RXFP1: variants seen among roughly 807,000 people sequenced by gnomAD.
The protein encoded by RXFP1 is relaxin family peptide receptor 1.
Under a neutral mutation model 89.8 loss-of-function variants are expected in RXFP1, and 73 were observed. The observed-to-expected ratio is 0.81, with a 90% CI of 0.67 to 0.99. The LOEUF is 0.99. Among genes scored for constraint, RXFP1 ranks in the 50% least tolerant of loss-of-function variants. RXFP1 has a pLI of 0.00. For missense variants in RXFP1, 793 were observed against 895.5 expected, an observed-to-expected ratio of 0.89 and a Z score of 1.46; for synonymous variants, 277 against 305.5, an observed-to-expected ratio of 0.91 and a Z score of 0.97.
At chr4:158,543,980 T>C in intron 1 of RXFP1, 1 of 985,478 alleles carries the variant, frequency 1.0e-6, no homozygotes, top group Non-Finnish European at 1.2e-6. Context: ...TTCTGCCATG[T>C]TTCGTCCATT....
At chr4:158,575,269 T>C (rs934460520) in intron 2 of RXFP1, among the ~76,000 whole-genome samples, 1 of 152,102 alleles carries the variant, frequency 6.6e-6, no homozygotes, top group Non-Finnish European at 1.5e-5. Context: ...AATAGGGCAT[T>C]GGGGTTTCAG....
chr4:158,605,910 A>G (rs2150112141), intron 5 of RXFP1, among the ~76,000 whole-genome samples: 1 of 152,346 alleles, frequency 6.6e-6, no homozygotes, highest in Admixed American at 6.5e-5. Flanking sequence ...CTGATAAATT[A>G]ATATATATCT....
At chr4:158,624,247 C>G (rs1766255940) in intron 9 of RXFP1, among the ~76,000 whole-genome samples, 2 of 152,134 alleles carry the variant, frequency 1.3e-5, no homozygotes, top group African/African-American at 2.4e-5. Context: ...GGTGCATATA[C>G]AGGTAAGTTT....
chr4:158,567,376 G>A (rs1753815953), intron 1 of RXFP1, among the ~76,000 whole-genome samples: 1 of 152,198 alleles, frequency 6.6e-6, no homozygotes, highest in Non-Finnish European at 1.5e-5. Context: ...AGTCTGGTGG[G>A]CACTTGGAGA....
At chr4:158,644,427 T>C (rs915483293) in intron 14 of RXFP1, among the ~76,000 whole-genome samples, 2 of 152,158 alleles carry the variant, frequency 1.3e-5, no homozygotes, top group Non-Finnish European at 2.9e-5. Context: ...TTTTTTCTTT[T>C]CTTTTTTTTT....
intron 14 of RXFP1, among the ~76,000 whole-genome samples, chr4:158,641,301 G>A (rs967469262): frequency 6.6e-6 from 1 of 152,156 alleles, no homozygotes; most frequent in Non-Finnish European, 1.5e-5. Context: ...CAGTTTCAGG[G>A]AAGAGAATCT....
intron 8 of RXFP1, among the ~76,000 whole-genome samples, chr4:158,614,797 T>C (rs1199100214): frequency 6.6e-6 from 1 of 152,172 alleles, no homozygotes; most frequent in Non-Finnish European, 1.5e-5. Context: ...TTCGGCTAAC[T>C]GGTGCATGAG....
At chr4:158,565,498 T>G (rs1354488149) in intron 1 of RXFP1, among the ~76,000 whole-genome samples, 1 of 152,126 alleles carries the variant, frequency 6.6e-6, no homozygotes, top group African/African-American at 2.4e-5. Context: ...CCAGAGCTCC[T>G]TAGAGAAATG....
chr4:158,602,582 T>C (rs892173324), intron 4 of RXFP1, among the ~76,000 whole-genome samples: 1 of 151,914 alleles, frequency 6.6e-6, no homozygotes, highest in Admixed American at 6.6e-5. Flanking sequence ...AGAAGTTGGT[T>C]GCCTCATTAG....
chr4:158,555,604 T>C (rs1308593474), intron 1 of RXFP1, among the ~76,000 whole-genome samples: 2 of 152,184 alleles, frequency 1.3e-5, no homozygotes, highest in East Asian at 3.8e-4. Context: ...ATGCATACAA[T>C]GCACACAATT....
intron 9 of RXFP1, among the ~76,000 whole-genome samples, chr4:158,619,801 C>A (rs1175275167): frequency 6.6e-6 from 1 of 151,096 alleles, no homozygotes; most frequent in African/African-American, 2.4e-5. Context: ...GAAACTAGAG[C>A]ATTCTGCCCC....
chr4:158,621,009 G>A lies in RXFP1; in HGVS notation c.755+3804G>A, dbSNP rs1038203732. 8.6e-5 allele frequency among the ~76,000 whole-genome samples: 13 copies of A among 151,918 alleles called. 1 individual carries two copies. The South Asian group carries it at 2.7e-3, about 32-fold the overall frequency. On this transcript the variant is annotated intron_variant, in intron 9 of 17. Coordinates refer to ENST00000307765, the MANE Select transcript of RXFP1 (RefSeq NM_021634.4). ...AGCGTTTAGCTGGGCGTGGTGGTGG[G>A]CACTTGTAATCCCAGCTACTCGGGA...
In RXFP1 at chr4:158,646,987, T is replaced by C. The variant is rs1228886100; in HGVS notation, c.1542T>C (p.Ile514=). 1.2e-6 allele frequency: 2 copies of C among 1,614,088 alleles called. No homozygotes were observed. Among genetic ancestry groups the C allele is most frequent in the Non-Finnish European group, 8.5e-7 (1 of 1,179,926 alleles). The change falls in exon 16 of 18, where the codon ATT becomes ATC. Residue 514 remains isoleucine, a synonymous_variant. Coordinates refer to ENST00000307765, the MANE Select transcript of RXFP1 (RefSeq NM_021634.4). The part of the protein sequence containing the change: ...TFLTLEKYIC[I]VYPFRCVRPG... The stretch of plus-strand genomic sequence containing the variant: ...TGACATTGGAAAAATACATCTGCAT[T>C]GTCTATCCTTTTAGATGTGTGAGAC...
chr4:158,594,541 AG>A (rs1423331491), intron 3 of RXFP1, among the ~76,000 whole-genome samples: 1 of 152,066 alleles, frequency 6.6e-6, no homozygotes, highest in Non-Finnish European at 1.5e-5. Flanking sequence ...TAAAATAAAT[AG>A]TGCTTTGCAC....
chr4:158,572,679 C>G lies in RXFP1; in HGVS notation c.50-19C>G. The G allele has an allele frequency of 6.2e-7, 1 of 1,613,246 alleles. No individual in the cohort carries two copies. Among genetic ancestry groups the G allele is most frequent in the Non-Finnish European group, 8.5e-7 (1 of 1,179,188 alleles). Reference sequence around the variant, plus strand: ...TATTAACCACCTTCAAACTTTGTGTCTTCTCCCCTTTTCCTCAGTTTCTCA... The same window carrying G: ...TATTAACCACCTTCAAACTTTGTGTGTTCTCCCCTTTTCCTCAGTTTCTCA... On this transcript the variant is annotated intron_variant, in intron 1 of 17. Coordinates refer to ENST00000307765, the MANE Select transcript of RXFP1 (RefSeq NM_021634.4).
intron 1 of RXFP1, among the ~76,000 whole-genome samples, chr4:158,551,457 A>G (rs1750089998): frequency 6.6e-6 from 1 of 152,188 alleles, no homozygotes; most frequent in Non-Finnish European, 1.5e-5. Flanking sequence ...GTTAGTAATA[A>G]TGTGTTGTAC....
In RXFP1 at chr4:158,633,419, A is replaced by G. The variant is rs765305956; in HGVS notation, c.914A>G (p.Asn305Ser). 1.9e-6 allele frequency: 3 copies of G among 1,589,154 alleles called. No individual in the cohort carries two copies. Among genetic ancestry groups the G allele is most frequent in the Non-Finnish European group, 2.6e-6 (3 of 1,158,674 alleles). ...TATTTCTCCAGGGATTTAGGAAGTA[A>G]TAAGATTGAAAATCTTCCACCGCTT... ...QKLDELDLGS[N>S]KIENLPPLIF... is the part of the protein sequence containing the mutation. The change falls in exon 12 of 18, where the codon AAT becomes AGT. Residue 305 changes from asparagine to serine, a missense_variant. Transcript: ENST00000307765.
At chr4:158,634,534 C>G (rs1305242245) in intron 12 of RXFP1, among the ~76,000 whole-genome samples, 1 of 152,080 alleles carries the variant, frequency 6.6e-6, no homozygotes, top group Non-Finnish European at 1.5e-5. Context: ...TATGTATAGT[C>G]TAATTTTTAA....
intron 1 of RXFP1, among the ~76,000 whole-genome samples, chr4:158,537,801 C>CA (rs576996900): frequency 7.1e-4 from 108 of 152,224 alleles, no homozygotes; most frequent in African/African-American, 2.5e-3. Flanking sequence ...CAAGCTATCT[C>CA]AAAGAGTAGT....
Sources: allele counts gnomAD v4.1 joint callset (sites outside exome capture counted in the v4.1 genomes callset), GRCh38; gene constraint gnomAD v4.1.1; transcripts MANE v1.5; gene names NCBI Gene and HGNC (gene_info 2026-07-23, HGNC 2026-07-21).